TAX1BP1: variants seen among roughly 807,000 people sequenced by gnomAD.
The protein encoded by TAX1BP1 is tax1-binding protein 1.
In TAX1BP1, 62 loss-of-function variants were observed where a neutral mutation model predicts 97.7. That is an observed-to-expected ratio of 0.63 (90% CI 0.52 to 0.78). The LOEUF is 0.78. Among genes scored for constraint, TAX1BP1 ranks in the 30% least tolerant of loss-of-function variants. The pLI is 0.00. For synonymous variants in TAX1BP1, 340 were observed against 304.2 expected (o/e 1.12, Z -1.23); for missense variants, 867 against 916.1 (o/e 0.95, Z 0.69).
chr7:27,775,789 C>T (rs1789010478), intron 5 of TAX1BP1, among the ~76,000 whole-genome samples: 4 of 152,138 alleles, frequency 2.6e-5, no homozygotes, highest in Admixed American at 2.6e-4. Flanking sequence ...CATCTTGAGA[C>T]TATCAGGGTC....
intron 4 of TAX1BP1, among the ~76,000 whole-genome samples, chr7:27,767,044 G>C (rs1004730899): frequency 2.0e-5 from 3 of 152,052 alleles, no homozygotes; most frequent in African/African-American, 7.2e-5. Flanking sequence ...ATAATGCCTT[G>C]TGTATTAATT....
Position 27,828,929 on chromosome 7 carries a change from ATG to A in TAX1BP1, c.*101_*102del, listed in dbSNP as rs1782592784. The A allele has an allele frequency of 1.0e-6, 1 of 952,588 alleles. No homozygotes were observed. The highest frequency in any genetic ancestry group is 1.8e-5 in the South Asian group (1 of 56,382). The allele number at this position is 952,588 out of a possible 1,614,324, so 59.0% of individuals were successfully genotyped here. A position where few individuals can be genotyped will look rare whatever the true frequency, so the allele number is the denominator to read the frequency against. On this transcript the variant is annotated 3_prime_UTR_variant, in exon 17 of 17. Transcript: ENST00000396319. The stretch of plus-strand genomic sequence containing the variant: ...AGGAGACCATAGAGCGGATGCTTTC[ATG>A]CACCCTTTACTGCACTTTCTGACCA...
At position 27,776,235 on chromosome 7, in the gene TAX1BP1, T is replaced by A. The variant is rs73295572; in HGVS notation, c.612+6401T>A. ...TTGTAAGTAATTTTAAGGATTCTTA[T>A]AAAGAACCAACCTGGTAAAATGCAT... On this transcript the variant is annotated intron_variant, in intron 5 of 16. Coordinates refer to ENST00000396319, the MANE Select transcript of TAX1BP1 (RefSeq NM_006024.7). 6.4e-3 allele frequency among the ~76,000 whole-genome samples: 969 copies of A among 152,296 alleles called. 13 individuals carry two copies. Among genetic ancestry groups the A allele is most frequent in the African/African-American group, 0.022 (932 of 41,568 alleles).
chr7:27,823,135 T>C (rs1050382034), intron 15 of TAX1BP1, among the ~76,000 whole-genome samples: 7 of 152,202 alleles, frequency 4.6e-5, no homozygotes, highest in African/African-American at 1.4e-4. Flanking sequence ...TATTTCTTCA[T>C]TGATATATTA....
intron 2 of TAX1BP1, among the ~76,000 whole-genome samples, chr7:27,750,063 T>G (rs1787965801): frequency 1.3e-5 from 2 of 152,266 alleles, no homozygotes; most frequent in South Asian, 2.1e-4. Flanking sequence ...AGTGCTGGGA[T>G]TACAGGTGTG....
chr7:27,803,367 G>C (rs1360632481), intron 13 of TAX1BP1, among the ~76,000 whole-genome samples: 1 of 152,202 alleles, frequency 6.6e-6, no homozygotes, highest in Non-Finnish European at 1.5e-5. Context: ...CATTTTTGAA[G>C]TTGTTTAATG....
intron 13 of TAX1BP1, among the ~76,000 whole-genome samples, chr7:27,802,614 G>T (rs1382512639): frequency 6.6e-6 from 1 of 152,192 alleles, no homozygotes; most frequent in Non-Finnish European, 1.5e-5. Flanking sequence ...TCACAGTGTA[G>T]TCTGAGATTG....
chr7:27,803,555 C>G (rs1284868744), intron 13 of TAX1BP1, among the ~76,000 whole-genome samples: 1 of 152,138 alleles, frequency 6.6e-6, no homozygotes, highest in African/African-American at 2.4e-5. Flanking sequence ...GATTTTCTCC[C>G]TGCTGTGACA....
intron 15 of TAX1BP1, among the ~76,000 whole-genome samples, chr7:27,827,353 C>CA (rs368954449): frequency 0.017 from 1,837 of 110,262 alleles, 36 homozygotes; most frequent in African/African-American, 0.052. Context: ...GACTCCATCT[C>CA]AAAAAAAAAA....
At chr7:27,807,954 C>T (rs1322829480) in intron 13 of TAX1BP1, among the ~76,000 whole-genome samples, 1 of 152,072 alleles carries the variant, frequency 6.6e-6, no homozygotes, top group African/African-American at 2.4e-5. Flanking sequence ...CTAATAAGAG[C>T]CCCTGCATAC....
At chr7:27,755,334 T>A (rs566210701) in intron 2 of TAX1BP1, among the ~76,000 whole-genome samples, 93 of 152,314 alleles carry the variant, frequency 6.1e-4, no homozygotes, top group African/African-American at 1.9e-3. Flanking sequence ...TTCAGTGCCT[T>A]TCCTACTCCA....
In TAX1BP1 at chr7:27,815,173, G is replaced by A. The variant is rs146422195; in HGVS notation, c.1765-1176G>A. On this transcript the variant is annotated intron_variant, in intron 13 of 16. Transcript: ENST00000396319. ...TCCACTGGCTATTTTGAATGGAAGT[G>A]TTGAGAGCAGACATCATTGTCTTAT... 2.6e-5 allele frequency among the ~76,000 whole-genome samples: 4 copies of A among 152,288 alleles called. No individual in the cohort carries two copies. The East Asian group carries it at 7.7e-4, about 29-fold the overall frequency.
intron 13 of TAX1BP1, 131 bp from the exon 14 acceptor site, chr7:27,816,218 T>C (rs949639982): frequency 2.7e-5 from 19 of 708,614 alleles, no homozygotes; most frequent in African/African-American, 3.8e-5. Flanking sequence ...TCTAACTGTG[T>C]TTCCAATTGC....
chr7:27,816,394 G>A lies in TAX1BP1; in HGVS notation c.1810G>A (p.Gly604Ser). 1 of 1,584,002 alleles carries A rather than the reference G, an allele frequency of 6.3e-7. No homozygotes were observed. Among genetic ancestry groups the A allele is most frequent in the Non-Finnish European group, 8.5e-7 (1 of 1,171,678 alleles). ...AAATCCAGCAGAAAGGAAAATGGAAGGTCAGAATTCCCAGAGTCCTCAATG... is the reference window on the plus strand; with the variant it reads ...AAATCCAGCAGAAAGGAAAATGGAAAGTCAGAATTCCCAGAGTCCTCAATG... Reference protein sequence around the residue: ...LENPAERKMEGQNSQSPQCFK... With the variant: ...LENPAERKMESQNSQSPQCFK... The change falls in exon 14 of 17, where the codon GGT becomes AGT. Residue 604 changes from glycine to serine, a missense_variant. Transcript: ENST00000396319.
At chr7:27,776,582 T>C (rs751206470) in intron 5 of TAX1BP1, among the ~76,000 whole-genome samples, 19 of 152,084 alleles carry the variant, frequency 1.2e-4, no homozygotes, top group Admixed American at 3.3e-4. Flanking sequence ...CTCTTTATCA[T>C]TGAATTTAAG....
intron 3 of TAX1BP1, among the ~76,000 whole-genome samples, chr7:27,760,917 G>C (rs1462766783): frequency 1.3e-5 from 2 of 152,168 alleles, no homozygotes; most frequent in Admixed American, 6.5e-5. Context: ...TTGGTCTGTG[G>C]TATGGCCTGG....
intron 5 of TAX1BP1, among the ~76,000 whole-genome samples, chr7:27,783,750 CTGG>C (rs534655198): frequency 1.1e-3 from 161 of 152,130 alleles, no homozygotes; most frequent in African/African-American, 3.7e-3. Context: ...CAAGAGAGCA[CTGG>C]TGGTAAAACT....
chr7:27,817,735 A>G (rs1479497610), intron 15 of TAX1BP1, among the ~76,000 whole-genome samples: 1 of 152,192 alleles, frequency 6.6e-6, no homozygotes, highest in Non-Finnish European at 1.5e-5. Context: ...GATAGATAAT[A>G]TGTTCTTTTC....
At position 27,828,876 on chromosome 7, in the gene TAX1BP1, A is replaced by AC. The variant is rs754000386; in HGVS notation, c.*47_*48insC. Reference sequence around the variant, plus strand: ...TATAGTTTAGCAGTAAAAAAAAAAAAAAAAACCACACCTAAAATAGACCAC... The same window carrying AC: ...TATAGTTTAGCAGTAAAAAAAAAAAACAAAAACCACACCTAAAATAGACCAC... On this transcript the variant is annotated 3_prime_UTR_variant, in exon 17 of 17. Coordinates refer to ENST00000396319, the MANE Select transcript of TAX1BP1 (RefSeq NM_006024.7). 283 of 1,494,568 alleles carry AC rather than the reference A, an allele frequency of 1.9e-4. No homozygotes were observed. The South Asian group carries it at 2.7e-3, about 14-fold the overall frequency. 92.6% of individuals were successfully genotyped at this position (1,494,568 alleles called of 1,614,324 possible). A position where few individuals can be genotyped will look rare whatever the true frequency, so the allele number is the denominator to read the frequency against.
Sources: allele counts gnomAD v4.1 joint callset (sites outside exome capture counted in the v4.1 genomes callset), GRCh38; gene constraint gnomAD v4.1.1; transcripts MANE v1.5; gene names NCBI Gene and HGNC (gene_info 2026-07-23, HGNC 2026-07-21).